The following RNF152 variants were observed in gnomAD, a reference collection of about 807,000 sequenced individuals.
The protein encoded by RNF152 is E3 ubiquitin-protein ligase RNF152.
Under a neutral mutation model 12.7 loss-of-function variants are expected in RNF152, and 11 were observed. That is an observed-to-expected ratio of 0.86 (90% CI 0.54 to 1.43). RNF152 has a LOEUF of 1.43. RNF152 is among the 40% of genes most tolerant of loss of function. The probability of loss-of-function intolerance (pLI) is 0.00; values close to 1 mark genes in which losing one functional copy is unlikely to be tolerated. For synonymous variants in RNF152, 113 were observed against 120.3 expected (o/e 0.94, Z 0.40); for missense variants, 255 against 274.8 (o/e 0.93, Z 0.51).
chr18:61,811,622 G>C lies in RNF152; in HGVS notation c.*4230C>G, dbSNP rs577100058. The stretch of plus-strand genomic sequence containing the variant: ...ACAACGACAAGCTGGCCAACTTCAA[G>C]GGCAAACAAAACCAGTCTGAACACT... On this transcript the variant is annotated 3_prime_UTR_variant, in exon 2 of 2. Transcript: ENST00000312828. The C allele has an allele frequency of 6.6e-6, 1 of 152,140 alleles. No homozygotes were observed. Among genetic ancestry groups the C allele is most frequent in the Non-Finnish European group, 1.5e-5 (1 of 68,040 alleles). 9.4% of individuals were successfully genotyped at this position (152,140 alleles called of 1,614,324 possible). A position where few individuals can be genotyped will look rare whatever the true frequency, so the allele number is the denominator to read the frequency against.
At chr18:61,874,504 A>G (rs1912131523) in intron 1 of RNF152, among the ~76,000 whole-genome samples, 1 of 152,228 alleles carries the variant, frequency 6.6e-6, no homozygotes, top group Non-Finnish European at 1.5e-5. Context: ...TTAGATCACC[A>G]CAGTCCTTAA....
chr18:61,849,100 C>T (rs1366708975), intron 1 of RNF152, among the ~76,000 whole-genome samples: 1 of 152,136 alleles, frequency 6.6e-6, no homozygotes, highest in Non-Finnish European at 1.5e-5. Context: ...TGTGTCAACC[C>T]GTACTATGAC....
chr18:61,842,180 T>C (rs180799030), intron 1 of RNF152, among the ~76,000 whole-genome samples: 1 of 152,360 alleles, frequency 6.6e-6, no homozygotes, highest in Non-Finnish European at 1.5e-5. Context: ...CAATTCTGCT[T>C]ATGACATTTT....
chr18:61,852,473 C>T (rs1195108337), intron 1 of RNF152, among the ~76,000 whole-genome samples: 1 of 152,184 alleles, frequency 6.6e-6, no homozygotes, highest in East Asian at 1.9e-4. Context: ...ATACACTGAT[C>T]TGTGTATATC....
chr18:61,833,636 T>C (rs1910051247), intron 1 of RNF152, among the ~76,000 whole-genome samples: 1 of 152,242 alleles, frequency 6.6e-6, no homozygotes, highest in African/African-American at 2.4e-5. Context: ...TAGTCTCGTC[T>C]GTTTGTTTTT....
rs1333688971 is a variant in RNF152, at chr18:61,844,136, A to AAG, written c.-135-27540_-135-27539dup. Among the ~76,000 whole-genome samples, 37 of 142,160 alleles carry AAG rather than the reference A, an allele frequency of 2.6e-4. 1 individual carries two copies. The highest frequency in any genetic ancestry group is 7.8e-4 in the African/African-American group (30 of 38,366). The allele number at this position is 142,160 out of a possible 152,430, so 93.3% of individuals were successfully genotyped here. A position where few individuals can be genotyped will look rare whatever the true frequency, so the allele number is the denominator to read the frequency against. On this transcript the variant is annotated intron_variant, in intron 1 of 1. Coordinates refer to ENST00000312828, the MANE Select transcript of RNF152 (RefSeq NM_173557.3). ...AAAGAAAGAAAGAAAGAAAGAAAGA[A>AAG]AGAAATTAAGAGAAAAGGAAGGAAG...
upstream of RNF152, chr18:61,893,722 C>G (rs1411467205): frequency 6.6e-6 from 1 of 152,370 alleles, no homozygotes; most frequent in South Asian, 2.0e-4. Context: ...GTGTGCGGGC[C>G]GGGGGCGCAA....
intron 1 of RNF152, among the ~76,000 whole-genome samples, chr18:61,841,587 G>A (rs185538387): frequency 1.2e-4 from 19 of 152,238 alleles, no homozygotes; most frequent in African/African-American, 4.6e-4. Flanking sequence ...ACTTTGGGGG[G>A]TTACAAGTCA....
intron 1 of RNF152, among the ~76,000 whole-genome samples, chr18:61,834,654 G>C (rs962254468): frequency 6.7e-6 from 1 of 149,572 alleles, no homozygotes; most frequent in East Asian, 1.9e-4. Flanking sequence ...TTGTAGAAGG[G>C]GTGAAAACTA....
intron 1 of RNF152, among the ~76,000 whole-genome samples, chr18:61,858,106 C>G (rs145404380): frequency 6.6e-6 from 1 of 152,172 alleles, no homozygotes; most frequent in Non-Finnish European, 1.5e-5. Flanking sequence ...AACCCTCTAC[C>G]CCAATTTCCA....
intron 1 of RNF152, among the ~76,000 whole-genome samples, chr18:61,824,711 G>A (rs930260248): frequency 1.3e-5 from 2 of 152,210 alleles, no homozygotes; most frequent in African/African-American, 2.4e-5. Flanking sequence ...GATGAAGGGG[G>A]TCCCAACAAC....
At chr18:61,857,016 T>C (rs1277960191) in intron 1 of RNF152, among the ~76,000 whole-genome samples, 1 of 152,068 alleles carries the variant, frequency 6.6e-6, no homozygotes, top group Non-Finnish European at 1.5e-5. Flanking sequence ...ATTAATTAAG[T>C]AGTAAAACAA....
rs1908879353 is a variant in RNF152, at chr18:61,812,933, A to C, written c.*2919T>G. The C allele has an allele frequency of 6.6e-6, 1 of 152,184 alleles. No homozygotes were observed. Among genetic ancestry groups the C allele is most frequent in the Non-Finnish European group, 1.5e-5 (1 of 68,038 alleles). 9.4% of individuals were successfully genotyped at this position (152,184 alleles called of 1,614,324 possible). Reference sequence around the variant, plus strand: ...CCTAGAAAGGATCATAGCCAGATAGAGATATAGACAGACCTAGGATGGAGC... The same window carrying C: ...CCTAGAAAGGATCATAGCCAGATAGCGATATAGACAGACCTAGGATGGAGC... On this transcript the variant is annotated 3_prime_UTR_variant, in exon 2 of 2. Coordinates refer to ENST00000312828, the MANE Select transcript of RNF152 (RefSeq NM_173557.3).
intron 1 of RNF152, among the ~76,000 whole-genome samples, chr18:61,832,679 G>T (rs8093222): frequency 6.6e-6 from 1 of 151,888 alleles, no homozygotes. Flanking sequence ...AAAACAGCCC[G>T]ATTTAACAGG....
At chr18:61,841,904 T>A (rs1208372779) in intron 1 of RNF152, among the ~76,000 whole-genome samples, 1 of 152,236 alleles carries the variant, frequency 6.6e-6, no homozygotes, top group Non-Finnish European at 1.5e-5. Flanking sequence ...CTGTTACAAC[T>A]GCTCAACTCT....
At chr18:61,827,635 A>G (rs1001445322) in intron 1 of RNF152, among the ~76,000 whole-genome samples, 7 of 152,220 alleles carry the variant, frequency 4.6e-5, no homozygotes, top group African/African-American at 1.4e-4. Context: ...AGCCATTCAT[A>G]ACATTATTTT....
At chr18:61,859,880 AAAAAGAAAAG>A (rs146200073) in intron 1 of RNF152, among the ~76,000 whole-genome samples, 124 of 151,238 alleles carry the variant, frequency 8.2e-4, no homozygotes, top group African/African-American at 2.9e-3. Context: ...ACCTCAAAGA[AAAAAGAAAAG>A]AAAAGAAAAG....
chr18:61,880,716 TTAATAA>T (rs1182448676), intron 1 of RNF152, among the ~76,000 whole-genome samples: 2 of 152,314 alleles, frequency 1.3e-5, no homozygotes, highest in South Asian at 4.1e-4. Context: ...TAAAACATTA[TTAATAA>T]TAACTTCAAT....
chr18:61,828,042 A>G (rs1909750716), intron 1 of RNF152, among the ~76,000 whole-genome samples: 1 of 152,232 alleles, frequency 6.6e-6, no homozygotes, highest in East Asian at 1.9e-4. Flanking sequence ...TTTATCAGCA[A>G]TAAAATGCAC....
Sources: allele counts gnomAD v4.1 joint callset (sites outside exome capture counted in the v4.1 genomes callset), GRCh38; gene constraint gnomAD v4.1.1; transcripts MANE v1.5; gene names NCBI Gene and HGNC (gene_info 2026-07-23, HGNC 2026-07-21).